The following AUTS2 variants were observed in gnomAD, a reference collection of about 807,000 sequenced individuals.
The protein encoded by AUTS2 is autism susceptibility gene 2 protein.
A neutral mutation model predicts 112.4 loss-of-function variants in AUTS2; 17 were observed. That is an observed-to-expected ratio of 0.15 (90% CI 0.10 to 0.23). The LOEUF (loss-of-function observed/expected upper bound fraction) is 0.23. AUTS2 is among the 10% of genes least tolerant of loss of function. The pLI, the probability that AUTS2 is intolerant of heterozygous loss-of-function variation, is 1.00. For missense variants in AUTS2, 1,510 were observed against 1,701.6 expected, an observed-to-expected ratio of 0.89 and a Z score of 1.98; for synonymous variants, 751 against 702.7, an observed-to-expected ratio of 1.07 and a Z score of -1.09.
intron 1 of AUTS2, among the ~76,000 whole-genome samples, chr7:69,840,332 T>G (rs1791921163): frequency 6.6e-6 from 1 of 152,218 alleles, no homozygotes; most frequent in Non-Finnish European, 1.5e-5. Context: ...CGTCAAGGCT[T>G]GAGCTTATTA....
rs1554464272 is a variant in AUTS2, at chr7:70,697,084, A to AT, written c.691-1484dup. ...GCATCATCATGCAATTTTTGGCTTT[A>AT]TAACTCACTATTCTTGATCTAGGTA... On this transcript the variant is annotated intron_variant, in intron 5 of 18. Coordinates refer to ENST00000342771, the MANE Select transcript of AUTS2 (RefSeq NM_015570.4). Among the ~76,000 whole-genome samples the AT allele has an allele frequency of 1.8e-4, 28 of 152,296 alleles. No homozygotes were observed. The South Asian group carries it at 4.8e-3, about 26-fold the overall frequency.
chr7:69,779,423 G>A (rs892085958), intron 1 of AUTS2, among the ~76,000 whole-genome samples: 1 of 151,986 alleles, frequency 6.6e-6, no homozygotes, highest in Non-Finnish European at 1.5e-5. Flanking sequence ...TTCCAACTTA[G>A]GCAAGAAATC....
chr7:69,690,222 T>C (rs1350135467), intron 1 of AUTS2, among the ~76,000 whole-genome samples: 20 of 152,254 alleles, frequency 1.3e-4, no homozygotes, highest in Admixed American at 1.2e-3. Flanking sequence ...GACTAATAAA[T>C]AGAGGCTGTT....
intron 5 of AUTS2, among the ~76,000 whole-genome samples, chr7:70,595,056 G>A (rs1006658880): frequency 6.6e-6 from 1 of 151,842 alleles, no homozygotes; most frequent in African/African-American, 2.4e-5. Context: ...AGCCGAGATT[G>A]CACCATTGCA....
intron 1 of AUTS2, among the ~76,000 whole-genome samples, chr7:69,775,945 C>G (rs1217635889): frequency 6.6e-6 from 1 of 152,088 alleles, no homozygotes; most frequent in Non-Finnish European, 1.5e-5. Context: ...GGAGACCTCC[C>G]CCACCCCACT....
chr7:70,239,315 G>A (rs1158550610), intron 4 of AUTS2, among the ~76,000 whole-genome samples: 1 of 152,062 alleles, frequency 6.6e-6, no homozygotes, highest in Non-Finnish European at 1.5e-5. Flanking sequence ...TTGAGAAGAT[G>A]ATTTTTCAGT....
intron 4 of AUTS2, among the ~76,000 whole-genome samples, chr7:70,394,657 G>A (rs1347843507): frequency 1.3e-5 from 2 of 152,200 alleles, no homozygotes; most frequent in Non-Finnish European, 2.9e-5. Context: ...ACTGTGGTGG[G>A]GAAGGTGGGG....
intron 2 of AUTS2, among the ~76,000 whole-genome samples, chr7:69,912,958 C>T (rs1250940602): frequency 2.0e-5 from 3 of 152,180 alleles, no homozygotes; most frequent in Non-Finnish European, 4.4e-5. Flanking sequence ...ATTTCAGTGA[C>T]CATCCACAGC....
At chr7:70,212,456 G>A (rs1327180779) in intron 4 of AUTS2, among the ~76,000 whole-genome samples, 3 of 152,140 alleles carry the variant, frequency 2.0e-5, no homozygotes, top group Non-Finnish European at 4.4e-5. Flanking sequence ...ATACTTCTAC[G>A]TTACCTAGCT....
intron 5 of AUTS2, among the ~76,000 whole-genome samples, chr7:70,653,043 C>T (rs1170130214): frequency 6.6e-6 from 1 of 151,912 alleles, no homozygotes; most frequent in African/African-American, 2.4e-5. Flanking sequence ...TCACTTGAGC[C>T]CAGGAATTCA....
intron 1 of AUTS2, among the ~76,000 whole-genome samples, chr7:69,665,235 T>G (rs1355684091): frequency 6.6e-6 from 1 of 152,190 alleles, no homozygotes; most frequent in Non-Finnish European, 1.5e-5. Context: ...GCCTTTCACT[T>G]TGCTCTGTGG....
chr7:70,226,607 C>T (rs1811779952), intron 4 of AUTS2, among the ~76,000 whole-genome samples: 1 of 152,078 alleles, frequency 6.6e-6, no homozygotes, highest in Admixed American at 6.6e-5. Context: ...AGAATACAGA[C>T]TTGGGTAACT....
At chr7:70,395,502 C>T (rs1342705550) in intron 4 of AUTS2, among the ~76,000 whole-genome samples, 1 of 152,184 alleles carries the variant, frequency 6.6e-6, no homozygotes, top group Non-Finnish European at 1.5e-5. Context: ...AATAGCTCAT[C>T]CAACTGATAA....
chr7:69,937,392 G>A (rs1796455748), intron 2 of AUTS2, among the ~76,000 whole-genome samples: 1 of 152,204 alleles, frequency 6.6e-6, no homozygotes, highest in Non-Finnish European at 1.5e-5. Context: ...ATGGAATGGT[G>A]TGGCTTAGCT....
chr7:70,393,301 A>G (rs991921405), intron 4 of AUTS2, among the ~76,000 whole-genome samples: 20 of 152,198 alleles, frequency 1.3e-4, no homozygotes, highest in Non-Finnish European at 2.9e-5. Context: ...ACTTGTTTTC[A>G]GGAGATTCCC....
At chr7:70,738,826 A>G (rs1219389517) in intron 6 of AUTS2, among the ~76,000 whole-genome samples, 1 of 152,170 alleles carries the variant, frequency 6.6e-6, no homozygotes, top group Non-Finnish European at 1.5e-5. Flanking sequence ...CTGGATATAC[A>G]TAGTTCAAAT....
At chr7:70,600,653 A>G (rs1803430037) in intron 5 of AUTS2, among the ~76,000 whole-genome samples, 1 of 152,132 alleles carries the variant, frequency 6.6e-6, no homozygotes, top group South Asian at 2.1e-4. Context: ...GAACATTTTC[A>G]TTATCCCCAA....
intron 4 of AUTS2, among the ~76,000 whole-genome samples, chr7:70,158,908 A>G (rs933640976): frequency 5.3e-5 from 8 of 152,154 alleles, no homozygotes; most frequent in Admixed American, 5.2e-4. Context: ...AATCATCTAC[A>G]TATGATATGA....
chr7:69,695,343 A>AT (rs913210113), intron 1 of AUTS2, among the ~76,000 whole-genome samples: 6 of 152,190 alleles, frequency 3.9e-5, no homozygotes, highest in Admixed American at 3.9e-4. Context: ...AAGAAAAAAA[A>AT]TTTTTTTAAA....
Sources: allele counts gnomAD v4.1 joint callset (sites outside exome capture counted in the v4.1 genomes callset), GRCh38; gene constraint gnomAD v4.1.1; transcripts MANE v1.5; gene names NCBI Gene and HGNC (gene_info 2026-07-23, HGNC 2026-07-21).